The following CSMD1 variants were observed in gnomAD, a reference collection of about 807,000 sequenced individuals.
CSMD1 encodes CUB and Sushi multiple domains 1, also known as CUB and sushi domain-containing protein 1.
CSMD1 carries 213 observed loss-of-function variants against 417.5 expected under a neutral mutation model. The ratio of observed to expected loss-of-function variants is 0.51; its 90% CI spans 0.46 to 0.57. The LOEUF (loss-of-function observed/expected upper bound fraction) is 0.57. CSMD1 is among the 20% of genes least tolerant of loss of function. The pLI, the probability that CSMD1 is intolerant of heterozygous loss-of-function variation, is 0.00. For synonymous variants in CSMD1, 2,862 were observed against 1,736.8 expected (o/e 1.65, Z -16.11); for missense variants, 6,923 against 4,529.7 (o/e 1.53, Z -15.17).
chr8:3,664,440 C>A (rs192137503), intron 7 of CSMD1, among the ~76,000 whole-genome samples: 4 of 152,256 alleles, frequency 2.6e-5, no homozygotes, highest in African/African-American at 9.6e-5. Flanking sequence ...TTATTCTGGG[C>A]AAAATGGAAA....
At chr8:3,555,509 G>A (rs1425885475) in intron 10 of CSMD1, among the ~76,000 whole-genome samples, 1 of 152,160 alleles carries the variant, frequency 6.6e-6, no homozygotes, top group East Asian at 1.9e-4. Context: ...TCTATGCACT[G>A]AGCCCCATTT....
chr8:3,613,240 GTA>G (rs1362695214), intron 8 of CSMD1: 1 of 422,986 alleles, frequency 2.4e-6, no homozygotes, highest in Non-Finnish European at 4.7e-6. Flanking sequence ...ACATAAGCCT[GTA>G]AGTAGAAAAG....
chr8:3,879,597 G>A (rs1019517599), intron 5 of CSMD1, among the ~76,000 whole-genome samples: 2 of 152,126 alleles, frequency 1.3e-5, no homozygotes, highest in African/African-American at 4.8e-5. Flanking sequence ...CTATCAGAAT[G>A]AGATTTGCTT....
chr8:3,828,265 T>C (rs1220907987), intron 5 of CSMD1, among the ~76,000 whole-genome samples: 3 of 152,178 alleles, frequency 2.0e-5, no homozygotes, highest in African/African-American at 4.8e-5. Context: ...ATGTAAGATC[T>C]GATGGCTCTT....
At chr8:4,553,393 TA>T (rs1797953868) in intron 2 of CSMD1, among the ~76,000 whole-genome samples, 1 of 152,112 alleles carries the variant, frequency 6.6e-6, no homozygotes. Flanking sequence ...CATTTTGTAT[TA>T]TTTTCATTAA....
chr8:3,824,195 T>A (rs1035751346), intron 5 of CSMD1, among the ~76,000 whole-genome samples: 1 of 152,058 alleles, frequency 6.6e-6, no homozygotes, highest in Non-Finnish European at 1.5e-5. Context: ...TGATGACTAA[T>A]TTATCCTGAC....
intron 3 of CSMD1, among the ~76,000 whole-genome samples, chr8:4,314,531 C>A (rs76493930): frequency 3.9e-5 from 6 of 152,098 alleles, no homozygotes; most frequent in Non-Finnish European, 8.8e-5. Context: ...GGATTTCTCC[C>A]GAAATACTAA....
At chr8:3,544,829 A>G (rs113064660) in intron 10 of CSMD1, among the ~76,000 whole-genome samples, 3,733 of 152,232 alleles carry the variant, frequency 0.025, 159 homozygotes, top group African/African-American at 0.085. Context: ...GGAGATGACA[A>G]GACACGTGCT....
chr8:3,680,882 A>G (rs1799619558), intron 7 of CSMD1, among the ~76,000 whole-genome samples: 1 of 152,238 alleles, frequency 6.6e-6, no homozygotes, highest in East Asian at 1.9e-4. Flanking sequence ...GGCTGGTTCA[A>G]TATACGCAAA....
intron 21 of CSMD1, among the ~76,000 whole-genome samples, chr8:3,348,700 T>C (rs915937886): frequency 3.9e-5 from 6 of 152,254 alleles, no homozygotes; most frequent in African/African-American, 1.2e-4. Flanking sequence ...TTATGTCTTA[T>C]AATGGAAGAA....
At chr8:3,452,659 G>T (rs564429122) in intron 12 of CSMD1, among the ~76,000 whole-genome samples, 1 of 152,168 alleles carries the variant, frequency 6.6e-6, no homozygotes, top group African/African-American at 2.4e-5. Flanking sequence ...GCATCCCAGG[G>T]ATGAAACCCA....
intron 50 of CSMD1, among the ~76,000 whole-genome samples, chr8:3,050,394 A>T (rs999870764): frequency 6.6e-6 from 1 of 152,222 alleles, no homozygotes; most frequent in Non-Finnish European, 1.5e-5. Flanking sequence ...TTTGGCAGGA[A>T]ATACAGACTT....
At chr8:4,984,400 C>T (rs1281039688) in intron 1 of CSMD1, among the ~76,000 whole-genome samples, 8 of 152,190 alleles carry the variant, frequency 5.3e-5, no homozygotes, top group African/African-American at 9.7e-5. Context: ...GCTTCCGATC[C>T]GACCTTCAGC....
intron 10 of CSMD1, among the ~76,000 whole-genome samples, chr8:3,505,581 G>A (rs1292011893): frequency 6.6e-6 from 1 of 152,136 alleles, no homozygotes; most frequent in African/African-American, 2.4e-5. Context: ...AACAACACCA[G>A]AAGAATTCTG....
intron 5 of CSMD1, among the ~76,000 whole-genome samples, chr8:3,795,179 C>A (rs79737382): frequency 0.82 from 30,708 of 37,556 alleles, 13,903 homozygotes; most frequent in Middle Eastern, 1. Flanking sequence ...TCATGTACAG[C>A]TATAGATACC....
At chr8:4,313,767 G>C (rs1392275928) in intron 3 of CSMD1, among the ~76,000 whole-genome samples, 2 of 152,052 alleles carry the variant, frequency 1.3e-5, no homozygotes, top group Non-Finnish European at 2.9e-5. Flanking sequence ...TGTAATTCCA[G>C]CGTTTTGGGA....
intron 3 of CSMD1, among the ~76,000 whole-genome samples, chr8:4,186,286 G>C (rs563729065): frequency 6.6e-6 from 1 of 152,164 alleles, no homozygotes; most frequent in South Asian, 2.1e-4. Flanking sequence ...AGAGAAGGAG[G>C]CCCGTGTTCA....
chr8:3,979,429 G>A (rs774452567), intron 5 of CSMD1, among the ~76,000 whole-genome samples: 2 of 152,192 alleles, frequency 1.3e-5, no homozygotes, highest in Non-Finnish European at 2.9e-5. Flanking sequence ...TGCAGGAGAA[G>A]GCGTTGATAA....
intron 1 of CSMD1, among the ~76,000 whole-genome samples, chr8:4,651,273 G>C (rs550489025): frequency 6.6e-6 from 1 of 152,136 alleles, no homozygotes; most frequent in African/African-American, 2.4e-5. Context: ...AAAAGCATTT[G>C]TTTAATGATC....
Sources: allele counts gnomAD v4.1 joint callset (sites outside exome capture counted in the v4.1 genomes callset), GRCh38; gene constraint gnomAD v4.1.1; transcripts MANE v1.5; gene names NCBI Gene and HGNC (gene_info 2026-07-23, HGNC 2026-07-21).